The following GRM4 variants were observed in gnomAD, a reference collection of about 807,000 sequenced individuals.
The protein encoded by GRM4 is metabotropic glutamate receptor 4.
GRM4 carries 28 observed loss-of-function variants against 81.7 expected under a neutral mutation model. The observed-to-expected ratio is 0.34, with a 90% CI of 0.25 to 0.47. The LOEUF is 0.47. Ranked by LOEUF, GRM4 falls within the 20% of genes least tolerant of loss-of-function variation. The pLI, the probability that GRM4 is intolerant of heterozygous loss-of-function variation, is 1.00. For missense variants in GRM4, 948 were observed against 1,290.0 expected, an observed-to-expected ratio of 0.73 and a Z score of 4.06; for synonymous variants, 488 against 528.8, an observed-to-expected ratio of 0.92 and a Z score of 1.06.
chr6:34,028,183 T>C lies in GRM4; in HGVS notation c.2626A>G (p.Lys876Glu). Residue 876 changes from lysine (K) to glutamate (E), a missense_variant, in exon 10 of 11, where the codon AAG becomes GAG. By Grantham distance (56) the Lys-to-Glu change is moderately conservative. Transcript: ENST00000538487. ...AATMSNKFTQKGNFRPNGEAK... is the reference protein window; with the variant it reads ...AATMSNKFTQEGNFRPNGEAK... ...TCTCCGTTGGGCCGGAAGTTGCCCT[T>C]CTGCGTGAACTTGTTGGACATGGTG... 4 of 1,614,022 alleles carry C rather than the reference T, an allele frequency of 2.5e-6. No homozygotes were observed. The highest frequency in any genetic ancestry group is 3.4e-6 in the Non-Finnish European group (4 of 1,180,000).
chr6:34,145,167 C>T (rs1241776761), intron 1 of GRM4, among the ~76,000 whole-genome samples: 2 of 151,872 alleles, frequency 1.3e-5, no homozygotes, highest in Non-Finnish European at 2.9e-5. Flanking sequence ...AGTCGACGGC[C>T]GGAGGCACGG....
intron 2 of GRM4, among the ~76,000 whole-genome samples, chr6:34,100,397 C>CA (rs1768772410): frequency 6.6e-6 from 1 of 152,226 alleles, no homozygotes; most frequent in Admixed American, 6.5e-5. Flanking sequence ...GAGTGCATGT[C>CA]AGAGTGTCCT....
intron 9 of GRM4, among the ~76,000 whole-genome samples, chr6:34,032,296 A>G (rs1046235927): frequency 3.3e-5 from 5 of 152,052 alleles, no homozygotes; most frequent in Non-Finnish European, 7.4e-5. Flanking sequence ...AGGCACACAC[A>G]CGTCTATACA....
intron 2 of GRM4, among the ~76,000 whole-genome samples, chr6:34,096,161 ACACAGCACCTTGTGT>A (rs1303798636): frequency 1.3e-5 from 2 of 152,112 alleles, no homozygotes; most frequent in African/African-American, 2.4e-5. Flanking sequence ...GGTGCTGGGG[ACACAGCACCTTGTGT>A]CACACCCTCA....
At chr6:34,084,685 C>T (rs7768966) in intron 3 of GRM4, among the ~76,000 whole-genome samples, 34,561 of 152,172 alleles carry the variant, frequency 0.23, 6,022 homozygotes, top group African/African-American at 0.48. Flanking sequence ...CTCAGCCCCA[C>T]CTCACATGGC....
intron 3 of GRM4, among the ~76,000 whole-genome samples, chr6:34,072,625 CATAG>C (rs1367474770): frequency 4.8e-5 from 7 of 144,990 alleles, no homozygotes; most frequent in Non-Finnish European, 9.0e-5. Flanking sequence ...CACATCACCG[CATAG>C]ATACACACCA....
Position 34,056,615 on chromosome 6 carries a change from C to A in GRM4, c.1097G>T (p.Trp366Leu). 1 of 1,613,718 alleles carries A rather than the reference C, an allele frequency of 6.2e-7. No individual in the cohort carries two copies. Among genetic ancestry groups the A allele is most frequent in the East Asian group, 2.2e-5 (1 of 44,864 alleles). The change falls in exon 6 of 11, where the codon TGG becomes TTG. Residue 366 changes from tryptophan (W) to leucine (L), a missense_variant. Transcript: ENST00000538487. ...CAGCTTGCAGTGGAAGTTGTCCTCC[C>A]AGAACTCGGCAAACCAGATGTTGCG... ...NRRNIWFAEF[W>L]EDNFHCKLSR...
In GRM4 at chr6:34,133,908, G is replaced by A. The variant is rs1332244140; in HGVS notation, c.-363-49C>T. 2 of 856,998 alleles carry A rather than the reference G, an allele frequency of 2.3e-6. No individual in the cohort carries two copies. The highest frequency in any genetic ancestry group is 6.0e-5 in the Admixed American group (1 of 16,674). The allele number at this position is 856,998 out of a possible 1,614,324, so 53.1% of individuals were successfully genotyped here. On this transcript the variant is annotated intron_variant, in intron 1 of 10. Transcript: ENST00000538487. This position sits in a 1 kb window ranked among gnomAD's most constrained non-coding sequence, Gnocchi z 6.5. ...GAATATCAAACAGAAGCCCAAAGAA[G>A]ACATTAGCTAGTCTCATCTCTCATC...
intron 2 of GRM4, chr6:34,101,956 C>T (rs996565073): frequency 1.5e-5 from 23 of 1,484,206 alleles, no homozygotes; most frequent in African/African-American, 1.1e-4. Context: ...ATGGCCAGGA[C>T]GTGTGGACCT....
rs1010805395 is a variant in GRM4 at position 34,090,742 on chromosome 6, G to T, written c.736+1141C>A. On this transcript the variant is annotated intron_variant, in intron 3 of 10. Coordinates refer to ENST00000538487, the MANE Select transcript of GRM4 (RefSeq NM_000841.4). The surrounding 1 kb of genome is among the most constrained non-coding windows in gnomAD (Gnocchi z 5.2). ...TTTATAGCAGGATTATGCCCACGGG[G>T]TGTTACCAACGGCAGCCTCTGGACA... is the stretch of plus-strand genomic sequence containing the variant. Among the ~76,000 whole-genome samples the T allele has an allele frequency of 6.6e-6, 1 of 152,108 alleles. No homozygotes were observed. Among genetic ancestry groups the T allele is most frequent in the African/African-American group, 2.4e-5 (1 of 41,396 alleles).
chr6:34,138,205 T>C (rs1770543957), intron 1 of GRM4, among the ~76,000 whole-genome samples: 1 of 152,198 alleles, frequency 6.6e-6, no homozygotes, highest in African/African-American at 2.4e-5. Flanking sequence ...CTTGGCCCTC[T>C]GAGGGTCAGC....
chr6:34,098,169 C>G (rs1198416375), intron 2 of GRM4, among the ~76,000 whole-genome samples: 2 of 152,210 alleles, frequency 1.3e-5, no homozygotes, highest in Non-Finnish European at 2.9e-5. Flanking sequence ...GTGCTTAGAA[C>G]AAGCCAGGTG....
chr6:34,025,316 C>A (rs934808542), intron 10 of GRM4, among the ~76,000 whole-genome samples: 1 of 152,116 alleles, frequency 6.6e-6, no homozygotes, highest in Non-Finnish European at 1.5e-5. Flanking sequence ...AGCTCCGTCA[C>A]CCCCTGGGGG....
At chr6:34,088,578 G>A (rs540693959) in intron 3 of GRM4, among the ~76,000 whole-genome samples, 1 of 152,176 alleles carries the variant, frequency 6.6e-6, no homozygotes, top group Non-Finnish European at 1.5e-5. Context: ...AGCACCTGCC[G>A]CCGCTTCTGC....
Position 34,061,885 on chromosome 6 carries a change from GC to G in GRM4, c.872+7del, listed in dbSNP as rs2127462215. 6.2e-7 allele frequency: 1 copy of G among 1,607,426 alleles called. No individual in the cohort carries two copies. ...CCCGGTGCCCACCCTGCTGCCACCT[GC>G]CCTCACCTGATGTCATCCTCGTTGG... is the stretch of plus-strand genomic sequence containing the variant. On this transcript the variant is annotated splice_region_variant and intron_variant, in intron 4 of 10. Transcript: ENST00000538487.
At chr6:34,071,426 CCACA>C in intron 3 of GRM4, among the ~76,000 whole-genome samples, 1 of 151,298 alleles carries the variant, frequency 6.6e-6, no homozygotes, top group East Asian at 2.0e-4. Context: ...ACACACATCA[CCACA>C]CAGATACACA....
Position 34,020,271 on chromosome 6 carries a change from TC to T in GRM4, c.*2549del, listed in dbSNP as rs1193867990. ...AGCCAAGGGGAGCCGAGGGGCAGCA[TC>T]CCCCTTGGAGAGGTGATTCTCCTGT... On this transcript the variant is annotated 3_prime_UTR_variant, in exon 11 of 11. Coordinates refer to ENST00000538487, the MANE Select transcript of GRM4 (RefSeq NM_000841.4). The T allele has an allele frequency of 2.0e-5, 3 of 152,162 alleles. No homozygotes were observed. Among genetic ancestry groups the T allele is most frequent in the Non-Finnish European group, 2.9e-5 (2 of 68,082 alleles). 9.4% of individuals were successfully genotyped at this position (152,162 alleles called of 1,614,324 possible).
At chr6:34,110,216 C>A (rs1246472693) in intron 2 of GRM4, among the ~76,000 whole-genome samples, 1 of 151,282 alleles carries the variant, frequency 6.6e-6, no homozygotes, top group African/African-American at 2.4e-5. Flanking sequence ...ATCGCTTGAG[C>A]CCGGGAGGTC....
Position 34,136,359 on chromosome 6 carries a change from A to G in GRM4, c.-363-2500T>C, listed in dbSNP as rs1336886921. Among the ~76,000 whole-genome samples the G allele has an allele frequency of 6.6e-6, 1 of 152,108 alleles. No homozygotes were observed. Among genetic ancestry groups the G allele is most frequent in the Non-Finnish European group, 1.5e-5 (1 of 68,024 alleles). On this transcript the variant is annotated intron_variant, in intron 1 of 10. Coordinates refer to ENST00000538487, the MANE Select transcript of GRM4 (RefSeq NM_000841.4). The surrounding 1 kb of genome is among the most constrained non-coding windows in gnomAD (Gnocchi z 4.1). Reference sequence around the variant, plus strand: ...TCCTGTGAGTTTATGATCGGTTTCCATGAATTTCAAACAGAGGGCTTTTTG... The same window carrying G: ...TCCTGTGAGTTTATGATCGGTTTCCGTGAATTTCAAACAGAGGGCTTTTTG...
Sources: allele counts gnomAD v4.1 joint callset (sites outside exome capture counted in the v4.1 genomes callset), GRCh38; gene constraint gnomAD v4.1.1; non-coding constraint Gnocchi (gnomAD v3.1); transcripts MANE v1.5; gene names NCBI Gene and HGNC (gene_info 2026-07-23, HGNC 2026-07-21).